The following GAS7 variants were observed in gnomAD, a reference collection of about 807,000 sequenced individuals.
GAS7 encodes growth arrest-specific protein 7.
In GAS7, 28 loss-of-function variants were observed where a neutral mutation model predicts 71.1. The observed-to-expected ratio is 0.39, with a 90% confidence interval of 0.29 to 0.54. The LOEUF (loss-of-function observed/expected upper bound fraction) is 0.54. Ranked by LOEUF, GAS7 falls within the 20% of genes least tolerant of loss-of-function variation. The probability of loss-of-function intolerance (pLI) is 0.62; values close to 1 mark genes in which losing one functional copy is unlikely to be tolerated. For missense variants in GAS7, 436 were observed against 627.8 expected (o/e 0.69, Z 3.27); for synonymous variants, 258 against 245.8 (o/e 1.05, Z -0.46).
At chr17:10,142,915 A>T (rs1597816485) in intron 1 of GAS7, among the ~76,000 whole-genome samples, 1 of 152,282 alleles carries the variant, frequency 6.6e-6, no homozygotes, top group East Asian at 1.9e-4. Context: ...TCTAGCCTGT[A>T]ATCCCCGCAC....
At chr17:9,956,107 G>T (rs931397031) in intron 5 of GAS7, among the ~76,000 whole-genome samples, 9 of 152,220 alleles carry the variant, frequency 5.9e-5, no homozygotes, top group African/African-American at 2.2e-4. Flanking sequence ...CCCAAGGCAT[G>T]CCCCTCCCCT....
At chr17:10,063,982 G>A (rs1014688745) in intron 1 of GAS7, among the ~76,000 whole-genome samples, 2 of 152,096 alleles carry the variant, frequency 1.3e-5, no homozygotes, top group African/African-American at 2.4e-5. Flanking sequence ...ATTTTAGCAC[G>A]AGCGCTCGTC....
intron 1 of GAS7, among the ~76,000 whole-genome samples, chr17:10,113,512 A>G (rs2073833246): frequency 1.3e-5 from 2 of 152,208 alleles, no homozygotes; most frequent in South Asian, 2.1e-4. Context: ...CTAAACTCCA[A>G]GATATGTTAT....
intron 3 of GAS7, among the ~76,000 whole-genome samples, chr17:9,970,371 T>G (rs2069910065): frequency 1.3e-5 from 2 of 152,208 alleles, no homozygotes; most frequent in Non-Finnish European, 2.9e-5. Flanking sequence ...GGCTCATGTC[T>G]GTAATCCCAG....
intron 1 of GAS7, among the ~76,000 whole-genome samples, chr17:10,110,475 T>C (rs1357090086): frequency 1.3e-5 from 2 of 151,226 alleles, no homozygotes; most frequent in Non-Finnish European, 3.0e-5. Flanking sequence ...AGTTCTTTTC[T>C]TTTTTTTTAA....
chr17:9,968,708 G>A (rs374994412), intron 4 of GAS7, among the ~76,000 whole-genome samples: 11 of 152,164 alleles, frequency 7.2e-5, no homozygotes, highest in African/African-American at 2.6e-4. Context: ...TCAATCCTCC[G>A]GTTTATTTTT....
intron 3 of GAS7, among the ~76,000 whole-genome samples, chr17:9,973,127 G>C (rs554146958): frequency 2.6e-5 from 4 of 152,322 alleles, no homozygotes; most frequent in Admixed American, 2.6e-4. Context: ...ACCATGGCTG[G>C]TTCTGTGTGT....
At chr17:10,031,689 G>C (rs558197567) in intron 1 of GAS7, among the ~76,000 whole-genome samples, 1 of 152,236 alleles carries the variant, frequency 6.6e-6, no homozygotes, top group Non-Finnish European at 1.5e-5. Flanking sequence ...AGAAGGGCCA[G>C]TTAATAGGGT....
At chr17:9,945,960 G>A (rs748028486) in intron 6 of GAS7, among the ~76,000 whole-genome samples, 1 of 152,082 alleles carries the variant, frequency 6.6e-6, no homozygotes, top group Non-Finnish European at 1.5e-5. Flanking sequence ...CTCCAGCCTG[G>A]GTGAGACAGA....
At chr17:10,049,699 C>G (rs1442503401) in intron 1 of GAS7, among the ~76,000 whole-genome samples, 1 of 134,720 alleles carries the variant, frequency 7.4e-6, no homozygotes, top group Non-Finnish European at 1.5e-5. Context: ...TGGCTCACTG[C>G]AAGCTCCGCC....
At chr17:10,183,708 G>A (rs1777384556) in intron 1 of GAS7, among the ~76,000 whole-genome samples, 2 of 152,220 alleles carry the variant, frequency 1.3e-5, no homozygotes, top group African/African-American at 2.4e-5. Context: ...CGGGCGTGGT[G>A]GCGGGTGCCT....
intron 8 of GAS7, among the ~76,000 whole-genome samples, chr17:9,938,511 C>CCTCT (rs368648434): frequency 2.0e-5 from 3 of 147,566 alleles, no homozygotes; most frequent in Admixed American, 6.8e-5. Context: ...CACAGAGCTC[C>CCTCT]CTCTCTCTCT....
chr17:10,190,411 C>T (rs1450527049), intron 1 of GAS7, among the ~76,000 whole-genome samples: 1 of 151,782 alleles, frequency 6.6e-6, no homozygotes, highest in African/African-American at 2.4e-5. Context: ...GGTGAAACCC[C>T]ATCTCTATTA....
At chr17:10,179,686 A>T (rs2074399675) in intron 1 of GAS7, among the ~76,000 whole-genome samples, 1 of 152,202 alleles carries the variant, frequency 6.6e-6, no homozygotes, top group Non-Finnish European at 1.5e-5. Context: ...CTTCAATGAC[A>T]GTGCTAAAAC....
intron 1 of GAS7, among the ~76,000 whole-genome samples, chr17:10,196,942 C>G (rs2074545142): frequency 2.0e-5 from 3 of 152,174 alleles, no homozygotes; most frequent in African/African-American, 4.8e-5. Flanking sequence ...GATACAGAAC[C>G]AAGAGGGTTC....
At chr17:10,147,272 TAAAC>T (rs1014372780) in intron 1 of GAS7, among the ~76,000 whole-genome samples, 29 of 152,356 alleles carry the variant, frequency 1.9e-4, no homozygotes, top group Admixed American at 1.8e-3. Flanking sequence ...GGCTTTTGAA[TAAAC>T]AAATAGGTGT....
At chr17:10,166,689 T>C (rs1363036509) in intron 1 of GAS7, among the ~76,000 whole-genome samples, 2 of 152,236 alleles carry the variant, frequency 1.3e-5, no homozygotes, top group African/African-American at 4.8e-5. Flanking sequence ...CTTTACTTAC[T>C]ATGAACTAAT....
At chr17:10,141,969 C>T (rs888670636) in intron 1 of GAS7, among the ~76,000 whole-genome samples, 1 of 112,782 alleles carries the variant, frequency 8.9e-6, no homozygotes, top group African/African-American at 3.5e-5. Flanking sequence ...TGGCTCACGC[C>T]TGTAATCCCA....
At chr17:10,036,692 C>T in intron 1 of GAS7, 1 of 1,297,024 alleles carries the variant, frequency 7.7e-7, no homozygotes. Flanking sequence ...AAATCCGCTC[C>T]AGTGCTTGCT....
Sources: gnomAD v4.1 joint callset for allele counts (sites outside exome capture counted in the v4.1 genomes callset) on GRCh38, gnomAD v4.1.1 for gene constraint, MANE v1.5 for transcripts, NCBI Gene and HGNC (gene_info 2026-07-23, HGNC 2026-07-21) for gene names.